The following PGAP1 variants were observed in gnomAD, a reference collection of about 807,000 sequenced individuals.
PGAP1 encodes the protein GPI inositol-deacylase.
PGAP1 carries 76 observed loss-of-function variants against 127.0 expected under a neutral mutation model. That is an observed-to-expected ratio of 0.60 (90% CI 0.50 to 0.72). The LOEUF is 0.72. Among genes scored for constraint, PGAP1 ranks in the 30% least tolerant of loss-of-function variants. PGAP1 has a pLI of 0.00. For missense variants in PGAP1, 982 were observed against 1,071.3 expected (o/e 0.92, Z 1.16); for synonymous variants, 362 against 366.5 (o/e 0.99, Z 0.14).
intron 19 of PGAP1, among the ~76,000 whole-genome samples, chr2:196,867,242 T>C (rs947076449): frequency 3.3e-5 from 5 of 151,908 alleles, no homozygotes; most frequent in Middle Eastern, 3.4e-3. Context: ...CCATCAATGA[T>C]AGACTGGATA....
At position 196,842,812 on chromosome 2, in the gene PGAP1, G is replaced by A; in HGVS notation, c.2539C>T (p.Leu847Phe). Reference sequence around the variant, plus strand: ...AAAGGTTTACATGGATCAGGATTAAGTTTAAAATAATACCTATAATATTAA... The same window carrying A: ...AAAGGTTTACATGGATCAGGATTAAATTTAAAATAATACCTATAATATTAA... ...WLKNLRYYFK[L>F]NPDPCKPLAF... is the part of the protein sequence containing the mutation. Residue 847 changes from leucine (L) to phenylalanine (F), a missense_variant, in exon 26 of 27, where the codon CTT becomes TTT. Physicochemically the swap from Leu to Phe is conservative, Grantham distance 22. Transcript: ENST00000354764. 1 of 1,528,538 alleles carries A rather than the reference G, an allele frequency of 6.5e-7. No homozygotes were observed. The highest frequency in any genetic ancestry group is 8.9e-7 in the Non-Finnish European group (1 of 1,122,710). The allele number at this position is 1,528,538 out of a possible 1,614,324, so 94.7% of individuals were successfully genotyped here. A position where few individuals can be genotyped will look rare whatever the true frequency, so the allele number is the denominator to read the frequency against.
chr2:196,860,691 G>A (rs895306356), intron 20 of PGAP1, among the ~76,000 whole-genome samples: 9 of 152,018 alleles, frequency 5.9e-5, no homozygotes, highest in Non-Finnish European at 1.2e-4. Context: ...AAAGACACAC[G>A]AAAAAATAGA....
chr2:196,838,490 G>C lies in PGAP1; in HGVS notation c.*2744C>G, dbSNP rs1339343669. ...AGAGCCCACCTTCGCATCTCTGGTAGCCAGCTGGGTTTAAAGTGCATCAAG... is the reference window on the plus strand; with the variant it reads ...AGAGCCCACCTTCGCATCTCTGGTACCCAGCTGGGTTTAAAGTGCATCAAG... On this transcript the variant is annotated 3_prime_UTR_variant, in exon 27 of 27. Coordinates refer to ENST00000354764, the MANE Select transcript of PGAP1 (RefSeq NM_024989.4). 1.3e-5 allele frequency: 2 copies of C among 152,128 alleles called. No homozygotes were observed. The highest frequency in any genetic ancestry group is 2.9e-5 in the Non-Finnish European group (2 of 68,022). 9.4% of individuals were successfully genotyped at this position (152,128 alleles called of 1,614,324 possible).
At chr2:196,915,066 C>T (rs1687427911) in intron 3 of PGAP1, among the ~76,000 whole-genome samples, 1 of 152,150 alleles carries the variant, frequency 6.6e-6, no homozygotes, top group African/African-American at 2.4e-5. Context: ...TCTTATTTGA[C>T]CTATCAGTAA....
intron 10 of PGAP1, among the ~76,000 whole-genome samples, chr2:196,887,437 C>T (rs1459372091): frequency 6.6e-6 from 1 of 152,092 alleles, no homozygotes; most frequent in Non-Finnish European, 1.5e-5. Context: ...GCAGTGTGAC[C>T]TGAGATCTTA....
intron 14 of PGAP1, chr2:196,874,081 TTTCTGTATTG>T (rs1701485191): frequency 5.2e-6 from 1 of 192,232 alleles, no homozygotes; most frequent in African/African-American, 2.3e-5. Flanking sequence ...AGAATTGTCA[TTTCTGTATTG>T]TTCTGGGTAG....
At position 196,926,452 on chromosome 2, in the gene PGAP1, G is replaced by T. The variant is rs939586875; in HGVS notation, c.147+18C>A. On this transcript the variant is annotated intron_variant, in intron 1 of 26. Coordinates refer to ENST00000354764, the MANE Select transcript of PGAP1 (RefSeq NM_024989.4). ...CAGAGTCTTGGAGCGCCCGGCTGAG[G>T]AGAGGGCAGAACCTTACCTGATACT... 2 of 1,613,796 alleles carry T rather than the reference G, an allele frequency of 1.2e-6. No individual in the cohort carries two copies. Among genetic ancestry groups the T allele is most frequent in the Non-Finnish European group, 1.7e-6 (2 of 1,179,918 alleles).
Position 196,919,985 on chromosome 2 carries a change from A to T in PGAP1, c.301+12T>A. Reference sequence around the variant, plus strand: ...TTTATAGCTTTCAAAATTTACTTCCAGTAAGACTTACCTTGCTTATAACTT... The same window carrying T: ...TTTATAGCTTTCAAAATTTACTTCCTGTAAGACTTACCTTGCTTATAACTT... On this transcript the variant is annotated intron_variant, in intron 2 of 26. Transcript: ENST00000354764. The T allele has an allele frequency of 6.3e-7, 1 of 1,597,552 alleles. No individual in the cohort carries two copies. The highest frequency in any genetic ancestry group is 8.5e-7 in the Non-Finnish European group (1 of 1,174,648).
chr2:196,896,336 T>C (rs1576170662), intron 7 of PGAP1, among the ~76,000 whole-genome samples: 1 of 152,086 alleles, frequency 6.6e-6, no homozygotes, highest in African/African-American at 2.4e-5. Context: ...GCTAAAGTGG[T>C]TTTTAAAAAA....
chr2:196,874,609 A>G (rs369224451), intron 14 of PGAP1, among the ~76,000 whole-genome samples: 1 of 152,242 alleles, frequency 6.6e-6, no homozygotes, highest in South Asian at 2.1e-4. Context: ...GAAAATTAAC[A>G]TAACTAGTAA....
At chr2:196,897,765 A>ATTT (rs1702335431) in intron 6 of PGAP1, among the ~76,000 whole-genome samples, 2 of 152,224 alleles carry the variant, frequency 1.3e-5, no homozygotes, top group South Asian at 4.1e-4. Context: ...ATTTGATATT[A>ATTT]GCTTCATTTG....
At chr2:196,897,289 T>G in intron 6 of PGAP1, 92 bp from the exon 7 acceptor site, 2 of 697,048 alleles carry the variant, frequency 2.9e-6, no homozygotes, top group East Asian at 3.3e-5. Flanking sequence ...AGTGGAACAT[T>G]TGAGTTTCCT....
chr2:196,880,219 A>AGTGTT, intron 12 of PGAP1, 66 bp from the exon 13 acceptor site: 7 of 975,682 alleles, frequency 7.2e-6, no homozygotes, highest in Non-Finnish European at 1.0e-5. Context: ...AAGAAAAATA[A>AGTGTT]ATAACACTTA....
chr2:196,905,607 C>G (rs1702671408), intron 4 of PGAP1, among the ~76,000 whole-genome samples: 1 of 152,052 alleles, frequency 6.6e-6, no homozygotes, highest in African/African-American at 2.4e-5. Flanking sequence ...GCCAAGATGG[C>G]CGAATAGGAA....
chr2:196,872,918 CA>C, intron 17 of PGAP1, 41 bp downstream of exon 17: 1 of 725,262 alleles, frequency 1.4e-6, no homozygotes. Context: ...ATCTATTATT[CA>C]AAAACACCAA....
Position 196,920,150 on chromosome 2 carries a change from T to C in PGAP1, c.148A>G (p.Lys50Glu), listed in dbSNP as rs1412047248. Residue 50 changes from lysine to glutamate, a missense_variant and splice_region_variant, in exon 2 of 27, where the codon AAA (lysine) becomes GAA (glutamate). Transcript: ENST00000354764. The stretch of plus-strand genomic sequence containing the variant: ...GCCAGTTTCTTTGGAAGTTCTATTT[T>C]CTACATTTAAAAAAAAGTAGTTTCA... The part of the protein sequence containing the change: ...SYMFEYPEYQ[K>E]IELPKKLAKR... 9 of 1,595,750 alleles carry C rather than the reference T, an allele frequency of 5.6e-6. No homozygotes were observed. The highest frequency in any genetic ancestry group is 3.4e-4 in the Middle Eastern group (2 of 5,948).
chr2:196,860,287 T>G (rs931830216), intron 20 of PGAP1, among the ~76,000 whole-genome samples: 1 of 152,110 alleles, frequency 6.6e-6, no homozygotes, highest in Non-Finnish European at 1.5e-5. Flanking sequence ...ATCCCAGCAC[T>G]TTGGGAGGCT....
At chr2:196,882,363 A>G (rs1031496171) in intron 12 of PGAP1, among the ~76,000 whole-genome samples, 2 of 152,102 alleles carry the variant, frequency 1.3e-5, no homozygotes, top group African/African-American at 2.4e-5. Flanking sequence ...GAATTTTAAA[A>G]TAGTTTTTTC....
At chr2:196,885,232 A>G (rs1701859952) in intron 12 of PGAP1, among the ~76,000 whole-genome samples, 192 bp downstream of exon 12, 1 of 152,222 alleles carries the variant, frequency 6.6e-6, no homozygotes, top group Non-Finnish European at 1.5e-5. Context: ...AGTAAAAAAA[A>G]TATAAATAAC....
Sources: allele counts gnomAD v4.1 joint callset (sites outside exome capture counted in the v4.1 genomes callset), GRCh38; gene constraint gnomAD v4.1.1; transcripts MANE v1.5; gene names NCBI Gene and HGNC (gene_info 2026-07-23, HGNC 2026-07-21).